COL21A1: variants seen among roughly 807,000 people sequenced by gnomAD.
COL21A1 encodes collagen alpha-1(XXI) chain.
Under a neutral mutation model 137.9 loss-of-function variants are expected in COL21A1, and 149 were observed. The ratio of observed to expected loss-of-function variants is 1.08; its 90% CI spans 0.95 to 1.24. COL21A1 has a LOEUF of 1.24. COL21A1 is among the 50% of genes most tolerant of loss of function. The pLI, the probability that COL21A1 is intolerant of heterozygous loss-of-function variation, is 0.00. For synonymous variants in COL21A1, 456 were observed against 391.5 expected (o/e 1.16, Z -1.95); for missense variants, 1,167 against 1,158.4 (o/e 1.01, Z -0.11).
Position 56,180,120 on chromosome 6 carries a change from G to C in COL21A1, c.98C>G (p.Thr33Ser), listed in dbSNP as rs769782334. Residue 33 changes from threonine (T) to serine (S), a missense_variant, in exon 3 of 30, where the codon ACT becomes AGT. Thr to Ser is a moderately conservative substitution (Grantham distance 58). Coordinates refer to ENST00000244728, the MANE Select transcript of COL21A1 (RefSeq NM_030820.4). ...EDGEVRSSCR[T>S]APTDLVFILD... Reference sequence around the variant, plus strand: ...GATGAAAACTAAATCTGTCGGAGCAGTACGACAACCTAAGTGCAAAAGAAA... The same window carrying C: ...GATGAAAACTAAATCTGTCGGAGCACTACGACAACCTAAGTGCAAAAGAAA... 1 of 1,606,250 alleles carries C rather than the reference G, an allele frequency of 6.2e-7. No individual in the cohort carries two copies. Among genetic ancestry groups the C allele is most frequent in the Admixed American group, 1.7e-5 (1 of 58,330 alleles).
At position 56,380,341 on chromosome 6, in the gene COL21A1, T is replaced by C. The variant is rs191630009; in HGVS notation, c.-39+13630A>G. Among the ~76,000 whole-genome samples, 349 of 152,326 alleles carry C rather than the reference T, an allele frequency of 2.3e-3. 1 individual carries two copies. The highest frequency in any genetic ancestry group is 3.8e-3 in the Non-Finnish European group (256 of 68,022). On this transcript the variant is annotated intron_variant, in intron 1 of 28. Coordinates refer to the COL21A1 transcript ENST00000370819. ...TAAACCGCTTTTCTTTATAAATTACTCAGTCTCAGGTATTCTTTTATAGCA... is the reference window on the plus strand; with the variant it reads ...TAAACCGCTTTTCTTTATAAATTACCCAGTCTCAGGTATTCTTTTATAGCA...
At chr6:56,318,921 C>T (rs1764805129) in intron 1 of COL21A1, among the ~76,000 whole-genome samples, 1 of 111,310 alleles carries the variant, frequency 9.0e-6, no homozygotes, top group Non-Finnish European at 1.9e-5. Context: ...CACCTCCCCC[C>T]AAACACACAC....
At chr6:56,208,050 AT>A (rs1238295876) in intron 1 of COL21A1, among the ~76,000 whole-genome samples, 1 of 152,194 alleles carries the variant, frequency 6.6e-6, no homozygotes, top group Non-Finnish European at 1.5e-5. Flanking sequence ...CATAAGAGCT[AT>A]TTATGACAAA....
At chr6:56,131,916 T>C (rs1773582577) in intron 12 of COL21A1, among the ~76,000 whole-genome samples, 1 of 151,982 alleles carries the variant, frequency 6.6e-6, no homozygotes, top group African/African-American at 2.4e-5. Context: ...TTTTTAATAC[T>C]TTTTCTGGAC....
chr6:56,390,822 A>C (rs940277009), intron 1 of COL21A1, among the ~76,000 whole-genome samples: 2 of 152,190 alleles, frequency 1.3e-5, no homozygotes, highest in African/African-American at 4.8e-5. Context: ...CAGATATGTA[A>C]AGCAAATATT....
chr6:56,359,378 C>G (rs896629328), intron 1 of COL21A1, among the ~76,000 whole-genome samples: 2 of 152,232 alleles, frequency 1.3e-5, no homozygotes, highest in African/African-American at 4.8e-5. Context: ...TGAACTATGA[C>G]TAAAACACCG....
At chr6:56,236,821 T>A (rs1000873311) in intron 1 of COL21A1, among the ~76,000 whole-genome samples, 2 of 152,052 alleles carry the variant, frequency 1.3e-5, no homozygotes, top group African/African-American at 2.4e-5. Context: ...TCATTGCTCC[T>A]CTTGTTCTCA....
rs1212645267 is a variant in COL21A1, at chr6:56,306,117, C to A, written c.-39+87854G>T. On this transcript the variant is annotated intron_variant, in intron 1 of 28. Transcript: ENST00000370819. ...AGAGATCAGCTGTTAGTCTGATGGG[C>A]TTCCTTTTGTGGGTAACCCAACCTT... Among the ~76,000 whole-genome samples, 357 of 95,306 alleles carry A rather than the reference C, an allele frequency of 3.7e-3. 2 individuals are homozygous for A. The highest frequency in any genetic ancestry group is 0.01 in the African/African-American group (332 of 32,782). The allele number at this position is 95,306 out of a possible 152,430, so 62.5% of individuals were successfully genotyped here. A position where few individuals can be genotyped will look rare whatever the true frequency, so the allele number is the denominator to read the frequency against.
In COL21A1 at chr6:56,098,566, A is replaced by AAT. The variant is rs1291485048; in HGVS notation, c.1812+2904_1812+2905dup. Among the ~76,000 whole-genome samples the AAT allele has an allele frequency of 2.3e-3, 15 of 6,632 alleles. 4 individuals are homozygous for AAT. Among genetic ancestry groups the AAT allele is most frequent in the East Asian group, 0.01 (1 of 98 alleles). The allele number at this position is 6,632 out of a possible 152,430, so 4.4% of individuals were successfully genotyped here. A position where few individuals can be genotyped will look rare whatever the true frequency, so the allele number is the denominator to read the frequency against. ...ATATATAAATATATATAAATATATA[A>AAT]ATATATATAAATATATATAAATATA... is the stretch of plus-strand genomic sequence containing the variant. On this transcript the variant is annotated intron_variant, in intron 17 of 29. Transcript: ENST00000244728.
At chr6:56,098,568 T>TATATAAATATATATAAATATATATAA (rs1562193181) in intron 17 of COL21A1, among the ~76,000 whole-genome samples, 1 of 14,674 alleles carries the variant, frequency 6.8e-5, no homozygotes, top group Non-Finnish European at 1.1e-4. Context: ...AATATATAAA[T>TATATAAATATATATAAATATATATAA]ATATATAAAT....
At chr6:56,160,052 G>T (rs1776078753) in intron 9 of COL21A1, among the ~76,000 whole-genome samples, 1 of 152,158 alleles carries the variant, frequency 6.6e-6, no homozygotes, top group African/African-American at 2.4e-5. Flanking sequence ...ATTGCTGTTA[G>T]ATTTTACTGG....
chr6:56,234,926 C>CA (rs1781806652), intron 1 of COL21A1, among the ~76,000 whole-genome samples: 1 of 132,908 alleles, frequency 7.5e-6, no homozygotes, highest in Non-Finnish European at 1.6e-5. Context: ...CAACATCTTC[C>CA]CCTGCTCCAG....
intron 1 of COL21A1, among the ~76,000 whole-genome samples, chr6:56,306,907 G>C (rs545024983): frequency 6.6e-6 from 1 of 152,172 alleles, no homozygotes; most frequent in South Asian, 2.1e-4. Flanking sequence ...TTTTGGTGTG[G>C]ATGTCCTTTC....
intron 15 of COL21A1, 21 bp from the exon 16 acceptor site, chr6:56,124,136 C>T (rs1250040649): frequency 3.3e-6 from 5 of 1,535,526 alleles, no homozygotes; most frequent in Non-Finnish European, 4.4e-6. Flanking sequence ...AATACATATG[C>T]TTTAATATAT....
chr6:56,158,509 T>G (rs1224901830), intron 9 of COL21A1, among the ~76,000 whole-genome samples: 1 of 151,958 alleles, frequency 6.6e-6, no homozygotes, highest in Non-Finnish European at 1.5e-5. Context: ...TGGGCTCAAG[T>G]GATCCTCCCT....
At chr6:56,373,507 C>T (rs557405672) in intron 1 of COL21A1, among the ~76,000 whole-genome samples, 8 of 152,196 alleles carry the variant, frequency 5.3e-5, no homozygotes, top group Admixed American at 2.0e-4. Flanking sequence ...GAGGCTGAGG[C>T]AGAAGAATCA....
At chr6:56,267,286 G>T (rs1763414109) in intron 1 of COL21A1, among the ~76,000 whole-genome samples, 1 of 152,114 alleles carries the variant, frequency 6.6e-6, no homozygotes, top group Non-Finnish European at 1.5e-5. Context: ...TAGTAACATT[G>T]CCTGAATTCT....
intron 1 of COL21A1, among the ~76,000 whole-genome samples, chr6:56,372,676 A>C (rs996130716): frequency 6.6e-6 from 1 of 152,180 alleles, no homozygotes; most frequent in East Asian, 1.9e-4. Context: ...CTTCAGGAAC[A>C]TCTAGATTCA....
intron 3 of COL21A1, among the ~76,000 whole-genome samples, chr6:56,177,104 AAGTAGT>A (rs142719434): frequency 6.6e-6 from 1 of 151,576 alleles, no homozygotes; most frequent in African/African-American, 2.4e-5. Context: ...GTAGTAGTAG[AAGTAGT>A]AGTAGTAGTA....
Sources: gnomAD v4.1 joint callset for allele counts (sites outside exome capture counted in the v4.1 genomes callset) on GRCh38, gnomAD v4.1.1 for gene constraint, MANE v1.5 for transcripts, NCBI Gene and HGNC (gene_info 2026-07-23, HGNC 2026-07-21) for gene names.